Variants in ITGBL1 observed in about 807,000 individuals in gnomAD.
The protein encoded by ITGBL1 is integrin beta-like protein 1.
In ITGBL1, 51 loss-of-function variants were observed where a neutral mutation model predicts 68.5. The ratio of observed to expected loss-of-function variants is 0.74; its 90% CI spans 0.59 to 0.94. ITGBL1 has a LOEUF of 0.94. Among genes scored for constraint, ITGBL1 ranks in the 40% least tolerant of loss-of-function variants. ITGBL1 has a pLI of 0.00. For missense variants in ITGBL1, 649 were observed against 647.4 expected (o/e 1.00, Z -0.03); for synonymous variants, 209 against 227.3 (o/e 0.92, Z 0.72).
intron 2 of ITGBL1, among the ~76,000 whole-genome samples, chr13:101,517,258 T>C (rs1016226778): frequency 3.3e-5 from 5 of 152,136 alleles, no homozygotes; most frequent in Non-Finnish European, 7.4e-5. Context: ...TCTTAAATCC[T>C]ACATCAGTAC....
intron 8 of ITGBL1, among the ~76,000 whole-genome samples, chr13:101,705,439 T>C (rs1390559131): frequency 4.6e-5 from 7 of 152,026 alleles, no homozygotes; most frequent in Non-Finnish European, 1.0e-4. Context: ...CTCGCAAGTG[T>C]CCTTCACTCC....
intron 7 of ITGBL1, among the ~76,000 whole-genome samples, chr13:101,678,916 A>T (rs1044229770): frequency 1.3e-5 from 2 of 149,162 alleles, no homozygotes; most frequent in African/African-American, 4.9e-5. Flanking sequence ...ACTTTTTTTA[A>T]TTTTTTTTTT....
intron 7 of ITGBL1, among the ~76,000 whole-genome samples, chr13:101,636,079 A>G (rs1887352548): frequency 6.6e-6 from 1 of 152,110 alleles, no homozygotes; most frequent in African/African-American, 2.4e-5. Context: ...ACCATATTTA[A>G]TACTTTTCCT....
chr13:101,453,917 G>A lies in ITGBL1; in HGVS notation c.133G>A (p.Ala45Thr), dbSNP rs749658017. ...WPGAACRLSR[A>T]ESERRCRAPG... ...GGGCGCCGCCTGCAGGCTGTCCCGG[G>A]CCGAGTCGGAGCGACGCTGCCGCGC... Residue 45 changes from alanine (A) to threonine (T), a missense_variant, in exon 2 of 11, where the codon GCC (alanine) becomes ACC (threonine). Ala to Thr is a moderately conservative substitution (Grantham distance 58). Transcript: ENST00000376180. The A allele has an allele frequency of 1.5e-6, 2 of 1,330,284 alleles. No homozygotes were observed. Among genetic ancestry groups the A allele is most frequent in the Non-Finnish European group, 1.9e-6 (2 of 1,040,192 alleles). 82.4% of individuals were successfully genotyped at this position (1,330,284 alleles called of 1,614,324 possible).
At chr13:101,456,623 G>T (rs553960359) in intron 2 of ITGBL1, among the ~76,000 whole-genome samples, 1 of 152,124 alleles carries the variant, frequency 6.6e-6, no homozygotes, top group Non-Finnish European at 1.5e-5. Context: ...GATTAAAAGT[G>T]TGGGCTCTGG....
chr13:101,505,652 A>C (rs1335589), intron 2 of ITGBL1, among the ~76,000 whole-genome samples: 6 of 152,116 alleles, frequency 3.9e-5, no homozygotes, highest in African/African-American at 9.7e-5. Flanking sequence ...ACAAGACAGC[A>C]TTGTGAAGAA....
chr13:101,454,159 T>C, intron 2 of ITGBL1, 59 bp downstream of exon 2: 2 of 1,337,572 alleles, frequency 1.5e-6, no homozygotes, highest in Admixed American at 2.3e-5. Context: ...CTGGGATTTC[T>C]GCCACTCCCT....
intron 2 of ITGBL1, among the ~76,000 whole-genome samples, chr13:101,538,201 A>G (rs1185146915): frequency 6.6e-6 from 1 of 152,110 alleles, no homozygotes; most frequent in Non-Finnish European, 1.5e-5. Flanking sequence ...GACAAGAACT[A>G]GATCCATATT....
At chr13:101,531,682 T>C (rs2049480322) in intron 2 of ITGBL1, among the ~76,000 whole-genome samples, 1 of 145,060 alleles carries the variant, frequency 6.9e-6, no homozygotes, top group African/African-American at 2.6e-5. Flanking sequence ...TTCTTGAAGG[T>C]TTTATTTTTT....
intron 8 of ITGBL1, among the ~76,000 whole-genome samples, chr13:101,700,732 C>T (rs1202799282): frequency 6.6e-6 from 1 of 152,138 alleles, no homozygotes; most frequent in African/African-American, 2.4e-5. Context: ...AACACGTTGG[C>T]CTTCTTTTAC....
At chr13:101,707,559 G>A (rs2034289138) in intron 9 of ITGBL1, among the ~76,000 whole-genome samples, 1 of 152,112 alleles carries the variant, frequency 6.6e-6, no homozygotes, top group Non-Finnish European at 1.5e-5. Context: ...TAATTGTTCG[G>A]TTGGGCACCG....
intron 7 of ITGBL1, among the ~76,000 whole-genome samples, chr13:101,625,299 G>A (rs2031732587): frequency 6.6e-6 from 1 of 152,156 alleles, no homozygotes; most frequent in South Asian, 2.1e-4. Flanking sequence ...TAAATGGGTG[G>A]ATTCTCCATA....
chr13:101,701,934 A>G (rs1049110049), intron 8 of ITGBL1, among the ~76,000 whole-genome samples: 6 of 152,174 alleles, frequency 3.9e-5, no homozygotes, highest in African/African-American at 1.4e-4. Context: ...TTGTACGACA[A>G]TGAGAATATA....
chr13:101,718,991 G>A (rs931331854), downstream of ITGBL1: 10 of 151,898 alleles, frequency 6.6e-5, no homozygotes, highest in African/African-American at 2.4e-4. Flanking sequence ...AAAAAATTGA[G>A]GATTTAGCCC....
rs538523920 is a variant in ITGBL1, at chr13:101,461,343, G to T, written c.316+7243G>T. Among the ~76,000 whole-genome samples, 3 of 152,228 alleles carry T rather than the reference G, an allele frequency of 2.0e-5. No individual in the cohort carries two copies. The South Asian group carries it at 6.2e-4, about 32-fold the overall frequency. On this transcript the variant is annotated intron_variant, in intron 2 of 10. Transcript: ENST00000376180. ...GCTCTCTGAGCCTCATATACATATT[G>T]TTACATCTGACCTTGTGACTCACCA...
intron 8 of ITGBL1, among the ~76,000 whole-genome samples, chr13:101,705,919 G>A (rs972457910): frequency 6.6e-6 from 1 of 152,082 alleles, no homozygotes; most frequent in South Asian, 2.1e-4. Flanking sequence ...GTAACTCTTC[G>A]CTAGGCAAAT....
chr13:101,676,140 C>A (rs1214213456), intron 7 of ITGBL1, among the ~76,000 whole-genome samples: 1 of 151,944 alleles, frequency 6.6e-6, no homozygotes, highest in African/African-American at 2.4e-5. Context: ...TTTCTATTGT[C>A]TGTTTTTTTC....
At chr13:101,530,969 C>T (rs2049463610) in intron 2 of ITGBL1, among the ~76,000 whole-genome samples, 2 of 151,978 alleles carry the variant, frequency 1.3e-5, no homozygotes, top group Non-Finnish European at 2.9e-5. Context: ...AAATCATGTT[C>T]GAAAGTCCAT....
chr13:101,689,210 C>CAAAAAAAAAAAAAAAAAAAA (rs1594982184), intron 7 of ITGBL1, among the ~76,000 whole-genome samples: 1 of 4,790 alleles, frequency 2.1e-4, no homozygotes, highest in Non-Finnish European at 4.4e-4. Context: ...AAGACTCTGC[C>CAAAAAAAAAAAAAAAAAAAA]TAAAAAAAAA....
Sources: allele counts gnomAD v4.1 joint callset (sites outside exome capture counted in the v4.1 genomes callset), GRCh38; gene constraint gnomAD v4.1.1; transcripts MANE v1.5; gene names NCBI Gene and HGNC (gene_info 2026-07-23, HGNC 2026-07-21).